The following GNA14 variants were observed in gnomAD, a reference collection of about 807,000 sequenced individuals.
The protein encoded by GNA14 is guanine nucleotide-binding protein subunit alpha-14.
In GNA14, 50 loss-of-function variants were observed where a neutral mutation model predicts 42.0. The observed-to-expected ratio is 1.19, with a 90% CI of 0.95 to 1.51. GNA14 has a LOEUF of 1.51. Ranked by LOEUF, GNA14 falls within the 40% of genes most tolerant of loss-of-function variation. GNA14 has a pLI of 0.00. For synonymous variants in GNA14, 173 were observed against 163.1 expected (o/e 1.06, Z -0.46); for missense variants, 473 against 446.2 (o/e 1.06, Z -0.54).
chr9:77,576,810 C>G (rs1823135423), intron 1 of GNA14, among the ~76,000 whole-genome samples: 1 of 151,714 alleles, frequency 6.6e-6, no homozygotes, highest in South Asian at 2.1e-4. Context: ...GAATGCTATA[C>G]ACCTTTCCCA....
chr9:77,631,528 A>T (rs1042372242), intron 1 of GNA14, among the ~76,000 whole-genome samples: 5 of 136,526 alleles, frequency 3.7e-5, no homozygotes, highest in African/African-American at 1.5e-4. Flanking sequence ...ATATGTGCAT[A>T]AAGAAAATCT....
intron 1 of GNA14, among the ~76,000 whole-genome samples, chr9:77,575,927 C>A (rs1248809664): frequency 6.6e-6 from 1 of 152,172 alleles, no homozygotes; most frequent in Non-Finnish European, 1.5e-5. Flanking sequence ...CCTCACCAGA[C>A]CAGAGGTGGC....
At position 77,584,825 on chromosome 9, in the gene GNA14, T is replaced by C. The variant is rs1045150001; in HGVS notation, c.125-55572A>G. Among the ~76,000 whole-genome samples the C allele has an allele frequency of 7.2e-5, 11 of 152,164 alleles. No homozygotes were observed. The East Asian group carries it at 2.1e-3, about 29-fold the overall frequency. On this transcript the variant is annotated intron_variant, in intron 1 of 6. Transcript: ENST00000341700. ...ATTATATACTAAATAAGGGGTGAGT[T>C]ATCCATGCCTCCCCTTTTCAGACCA...
chr9:77,453,265 G>A (rs1325549140), intron 2 of GNA14, among the ~76,000 whole-genome samples: 1 of 152,208 alleles, frequency 6.6e-6, no homozygotes, highest in Non-Finnish European at 1.5e-5. Flanking sequence ...ACATCTGCTA[G>A]TGCCTTCATC....
chr9:77,466,390 C>T (rs978241106), intron 2 of GNA14, among the ~76,000 whole-genome samples: 15 of 152,152 alleles, frequency 9.9e-5, no homozygotes, highest in Admixed American at 2.0e-4. Flanking sequence ...AAATCTACTA[C>T]GGAGCCTTTC....
intron 1 of GNA14, among the ~76,000 whole-genome samples, chr9:77,635,939 A>G (rs1239560680): frequency 6.6e-6 from 1 of 152,200 alleles, no homozygotes; most frequent in African/African-American, 2.4e-5. Context: ...AAAATTTTCC[A>G]TCAGTTGTAT....
chr9:77,591,878 G>C (rs1423059999), intron 1 of GNA14, among the ~76,000 whole-genome samples: 1 of 151,306 alleles, frequency 6.6e-6, no homozygotes, highest in East Asian at 1.9e-4. Context: ...TGAACCACTT[G>C]AGTTTCTTGT....
At chr9:77,615,867 GTTT>G (rs58878600) in intron 1 of GNA14, among the ~76,000 whole-genome samples, 2 of 144,792 alleles carry the variant, frequency 1.4e-5, no homozygotes, top group African/African-American at 2.5e-5. Context: ...GTTTTTTGGG[GTTT>G]TTTTTTTGGA....
intron 1 of GNA14, among the ~76,000 whole-genome samples, chr9:77,549,808 A>G (rs746733918): frequency 3.3e-5 from 5 of 152,154 alleles, no homozygotes; most frequent in Admixed American, 6.5e-5. Context: ...ATGAGGACAC[A>G]GGCCCAAGGG....
At chr9:77,622,565 G>C (rs545914449) in intron 1 of GNA14, among the ~76,000 whole-genome samples, 177 of 151,278 alleles carry the variant, frequency 1.2e-3, no homozygotes, top group African/African-American at 4.2e-3. Context: ...TCAGGAGATC[G>C]AGATCATCCT....
intron 1 of GNA14, among the ~76,000 whole-genome samples, chr9:77,595,943 T>C (rs1464663614): frequency 6.6e-6 from 1 of 151,934 alleles, no homozygotes; most frequent in Non-Finnish European, 1.5e-5. Context: ...CAGGGCTACA[T>C]TTGTCTCCCA....
intron 2 of GNA14, among the ~76,000 whole-genome samples, chr9:77,511,472 ATG>A (rs1837168428): frequency 6.6e-6 from 1 of 152,170 alleles, no homozygotes; most frequent in Non-Finnish European, 1.5e-5. Flanking sequence ...AGCGTAACAC[ATG>A]TGTGTGTCCT....
intron 1 of GNA14, among the ~76,000 whole-genome samples, chr9:77,599,281 T>C (rs1823515333): frequency 6.6e-6 from 1 of 152,216 alleles, no homozygotes; most frequent in Admixed American, 6.5e-5. Context: ...ATCTTTGTTG[T>C]TTGAATTTAT....
At chr9:77,472,668 GCC>G (rs1836352094) in intron 2 of GNA14, among the ~76,000 whole-genome samples, 1 of 152,098 alleles carries the variant, frequency 6.6e-6, no homozygotes, top group South Asian at 2.1e-4. Context: ...GAAGCCCTAA[GCC>G]CTAATGTGAT....
At chr9:77,451,405 T>G (rs1835899528) in intron 2 of GNA14, among the ~76,000 whole-genome samples, 1 of 152,182 alleles carries the variant, frequency 6.6e-6, no homozygotes, top group Non-Finnish European at 1.5e-5. Context: ...CTTTTTAGAG[T>G]GCTCTAAAGC....
intron 2 of GNA14, among the ~76,000 whole-genome samples, chr9:77,518,320 A>C (rs1035903269): frequency 6.6e-6 from 1 of 152,170 alleles, no homozygotes; most frequent in Admixed American, 6.5e-5. Flanking sequence ...CATTTGGAGT[A>C]ATTACTAACA....
chr9:77,626,758 A>C (rs574134114), intron 1 of GNA14, among the ~76,000 whole-genome samples: 1 of 152,320 alleles, frequency 6.6e-6, no homozygotes, highest in Admixed American at 6.5e-5. Context: ...AATTTATAGC[A>C]CTAAATGCCC....
intron 1 of GNA14, among the ~76,000 whole-genome samples, chr9:77,536,421 GT>G (rs920251090): frequency 4.6e-5 from 7 of 152,162 alleles, no homozygotes; most frequent in African/African-American, 1.7e-4. Flanking sequence ...CACGATCTTG[GT>G]TTACTGCAAC....
In GNA14 at chr9:77,553,691, GTGT is replaced by G. The variant is rs1837812434; in HGVS notation, c.125-24441_125-24439del. Among the ~76,000 whole-genome samples the G allele has an allele frequency of 2.0e-5, 3 of 152,124 alleles. No homozygotes were observed. In the East Asian group the frequency reaches 5.9e-4, roughly 30 times the overall value. ...AACAGACACCCATTCCCACTTATTT[GTGT>G]GCACAGCAAGATGAAGAATTATATG... On this transcript the variant is annotated intron_variant, in intron 1 of 6. Coordinates refer to ENST00000341700, the MANE Select transcript of GNA14 (RefSeq NM_004297.4).
Sources: gnomAD v4.1 joint callset for allele counts (sites outside exome capture counted in the v4.1 genomes callset) on GRCh38, gnomAD v4.1.1 for gene constraint, MANE v1.5 for transcripts, NCBI Gene and HGNC (gene_info 2026-07-23, HGNC 2026-07-21) for gene names.